SPIN1: variants seen among roughly 807,000 people sequenced by gnomAD.
SPIN1 encodes spindlin-1.
Under a neutral mutation model 26.0 loss-of-function variants are expected in SPIN1, and 3 were observed. The observed-to-expected ratio is 0.12, with a 90% CI of 0.05 to 0.30. The LOEUF is 0.30. Ranked by LOEUF, SPIN1 falls within the 10% of genes least tolerant of loss-of-function variation. The probability of loss-of-function intolerance (pLI) is 1.00; values close to 1 mark genes in which losing one functional copy is unlikely to be tolerated. For missense variants in SPIN1, 126 were observed against 333.4 expected (o/e 0.38, Z 4.84); for synonymous variants, 101 against 116.5 (o/e 0.87, Z 0.86).
intron 5 of SPIN1, among the ~76,000 whole-genome samples, chr9:88,474,730 C>G (rs1212553613): frequency 6.6e-6 from 1 of 152,070 alleles, no homozygotes; most frequent in East Asian, 1.9e-4. Flanking sequence ...TTATGATTTT[C>G]AAAATTGTTC....
chr9:88,426,441 T>C lies in SPIN1; in HGVS notation c.-99T>C, dbSNP rs1827766485. ...GTAAAAGAGACACTTGGATGGTGGA[T>C]TAACCAGAACACTAACATTCTGTGA... On this transcript the variant is annotated 5_prime_UTR_variant, in exon 2 of 6. Coordinates refer to ENST00000375859, the MANE Select transcript of SPIN1 (RefSeq NM_006717.3). The C allele has an allele frequency of 1.1e-6, 1 of 927,556 alleles. No individual in the cohort carries two copies. The highest frequency in any genetic ancestry group is 1.7e-5 in the African/African-American group (1 of 59,998). 57.5% of individuals were successfully genotyped at this position (927,556 alleles called of 1,614,324 possible).
At chr9:88,392,331 A>G (rs1826941445) in intron 1 of SPIN1, among the ~76,000 whole-genome samples, 1 of 152,212 alleles carries the variant, frequency 6.6e-6, no homozygotes, top group Admixed American at 6.5e-5. Context: ...GTGTTTGGCT[A>G]AATATATAAA....
chr9:88,389,840 G>C (rs1330463717), intron 1 of SPIN1, among the ~76,000 whole-genome samples: 1 of 152,066 alleles, frequency 6.6e-6, no homozygotes, highest in Non-Finnish European at 1.5e-5. Flanking sequence ...TTTATACCTG[G>C]ATATACTGAG....
intron 2 of SPIN1, among the ~76,000 whole-genome samples, chr9:88,439,480 A>C (rs1388717158): frequency 6.6e-6 from 1 of 152,204 alleles, no homozygotes; most frequent in African/African-American, 2.4e-5. Context: ...ACATAAATAA[A>C]TTTTGTGTTT....
chr9:88,397,764 G>A (rs1192783936), intron 1 of SPIN1, among the ~76,000 whole-genome samples: 1 of 151,928 alleles, frequency 6.6e-6, no homozygotes, highest in Non-Finnish European at 1.5e-5. Context: ...TGGGAGTACA[G>A]GTGCGTGCCA....
At chr9:88,429,657 C>G (rs1827827465) in intron 2 of SPIN1, among the ~76,000 whole-genome samples, 1 of 152,192 alleles carries the variant, frequency 6.6e-6, no homozygotes. Context: ...GTTGCGCTAT[C>G]TGGAAGCTCT....
chr9:88,448,563 G>C lies in SPIN1; in HGVS notation c.53-378G>C, dbSNP rs1193457433. Among the ~76,000 whole-genome samples the C allele has an allele frequency of 2.0e-5, 3 of 152,018 alleles. No individual in the cohort carries two copies. In the East Asian group the frequency reaches 5.8e-4, roughly 29 times the overall value. ...AAGGTCTTGCTATGTTACCCAGGCT[G>C]GTCTCGAACTCCTGGCCTCAGCCAC... On this transcript the variant is annotated intron_variant, in intron 2 of 5. Coordinates refer to ENST00000375859, the MANE Select transcript of SPIN1 (RefSeq NM_006717.3).
chr9:88,474,501 GAGTT>G (rs914205330), intron 5 of SPIN1, among the ~76,000 whole-genome samples: 21 of 152,286 alleles, frequency 1.4e-4, no homozygotes, highest in South Asian at 2.1e-4. Flanking sequence ...TTTTGGAACT[GAGTT>G]AGGAAGATGA....
intron 1 of SPIN1, among the ~76,000 whole-genome samples, chr9:88,407,634 G>C (rs1326211458): frequency 1.3e-5 from 2 of 150,606 alleles, no homozygotes; most frequent in Non-Finnish European, 3.0e-5. Flanking sequence ...AACATAGTGA[G>C]ACCTCATCTC....
chr9:88,449,107 G>C (rs2118134916), intron 3 of SPIN1, 118 bp downstream of exon 3: 2 of 876,854 alleles, frequency 2.3e-6, no homozygotes, highest in East Asian at 2.6e-5. Context: ...GCTCATAGGA[G>C]ATGTAGTGTG....
rs148006854 is a variant in SPIN1, at chr9:88,440,002, A to G, written c.53-8939A>G. Among the ~76,000 whole-genome samples, 201 of 152,204 alleles carry G rather than the reference A, an allele frequency of 1.3e-3. 2 individuals are homozygous for G. The highest frequency in any genetic ancestry group is 4.6e-3 in the African/African-American group (190 of 41,544). On this transcript the variant is annotated intron_variant, in intron 2 of 5. Transcript: ENST00000375859. The stretch of plus-strand genomic sequence containing the variant: ...TATGTAGGTGGAGTAATACCGTGTC[A>G]TATTTATGTTACTATTATCTGTTCT...
chr9:88,415,548 T>C (rs1437490685), intron 1 of SPIN1: 4 of 152,078 alleles, frequency 2.6e-5, no homozygotes. Flanking sequence ...CCCAGTTAGC[T>C]GGGACTACAG....
At chr9:88,417,956 G>T (rs1161024891) in intron 1 of SPIN1, among the ~76,000 whole-genome samples, 1 of 152,224 alleles carries the variant, frequency 6.6e-6, no homozygotes, top group Non-Finnish European at 1.5e-5. Flanking sequence ...ATGGAAGAGA[G>T]ATGCATAAGG....
At chr9:88,410,931 T>TA (rs1175810058) in intron 1 of SPIN1, 5 of 1,128,768 alleles carry the variant, frequency 4.4e-6, no homozygotes, top group Non-Finnish European at 6.7e-6. Flanking sequence ...AGGGCTTTCC[T>TA]AACTTCACAA....
intron 3 of SPIN1, among the ~76,000 whole-genome samples, chr9:88,455,655 A>G (rs1828455892): frequency 6.6e-6 from 1 of 152,086 alleles, no homozygotes; most frequent in South Asian, 2.1e-4. Flanking sequence ...TTCATGTCAT[A>G]TTTTTTACAC....
At chr9:88,466,899 C>A (rs567734597) in intron 4 of SPIN1, among the ~76,000 whole-genome samples, 267 of 152,000 alleles carry the variant, frequency 1.8e-3, no homozygotes, top group African/African-American at 6.3e-3. Flanking sequence ...CCACACCTGG[C>A]TAATTTTTTG....
At chr9:88,455,073 A>C (rs1828443761) in intron 3 of SPIN1, among the ~76,000 whole-genome samples, 1 of 152,244 alleles carries the variant, frequency 6.6e-6, no homozygotes, top group Non-Finnish European at 1.5e-5. Flanking sequence ...CAGTAGAAAT[A>C]AATGTAGGAA....
intron 2 of SPIN1, 68 bp downstream of exon 2, chr9:88,426,659 A>C (rs1827769453): frequency 3.5e-6 from 5 of 1,420,710 alleles, no homozygotes; most frequent in Non-Finnish European, 4.8e-6. Flanking sequence ...ACAAGTGTAA[A>C]ATTGGGTACT....
chr9:88,452,779 TTC>T (rs1170430515), intron 3 of SPIN1, among the ~76,000 whole-genome samples: 2 of 152,224 alleles, frequency 1.3e-5, no homozygotes, highest in Non-Finnish European at 2.9e-5. Context: ...GCAGGTTTTT[TTC>T]TCTCTTTCTG....
Sources: allele counts gnomAD v4.1 joint callset (sites outside exome capture counted in the v4.1 genomes callset), GRCh38; gene constraint gnomAD v4.1.1; transcripts MANE v1.5; gene names NCBI Gene and HGNC (gene_info 2026-07-23, HGNC 2026-07-21).